TAMALIN: variants seen among roughly 807,000 people sequenced by gnomAD.
TAMALIN encodes the protein protein TAMALIN.
Under a neutral mutation model 38.5 loss-of-function variants are expected in TAMALIN, and 9 were observed. The observed-to-expected ratio is 0.23, with a 90% confidence interval of 0.14 to 0.41. The LOEUF is 0.41. TAMALIN is among the 10% of genes least tolerant of loss of function. TAMALIN has a pLI of 1.00. For missense variants in TAMALIN, 548 were observed against 554.1 expected (o/e 0.99, Z 0.11); for synonymous variants, 306 against 256.5 (o/e 1.19, Z -1.85).
Position 52,007,064 on chromosome 12 carries a change from G to T in TAMALIN, c.45G>T (p.Ala15=). The T allele has an allele frequency of 6.9e-7, 1 of 1,459,128 alleles. No homozygotes were observed. 90.4% of individuals were successfully genotyped at this position (1,459,128 alleles called of 1,614,324 possible). The part of the protein sequence containing the change: ...RLRKLQQKEE[A]AATPDPAART... ...GGAAGCTGCAGCAGAAGGAGGAGGC[G>T]GCGGCCACCCCGGACCCCGCCGCCC... The change falls in exon 1 of 8, where the codon GCG becomes GCT. Residue 15 remains alanine (A), a synonymous_variant. Transcript: ENST00000293662. The surrounding 1 kb of genome is among the most constrained non-coding windows in gnomAD (Gnocchi z 6.7).
Position 52,014,828 on chromosome 12 carries a change from GC to G in TAMALIN, c.820del (p.Arg274AspfsTer55). ...CGTGCCCGGGCGTCCCCGCGGAGGC[GC>G]CCGACGGGCCAGGGGCGACGCCGAC... ...LAVPGRPRGG[A>X]RRARGDADDA... On this transcript the variant is annotated frameshift_variant, in exon 8 of 8. Transcript: ENST00000293662. LOFTEE classifies it high-confidence loss of function. 7.6e-7 allele frequency: 1 copy of G among 1,310,772 alleles called. No homozygotes were observed. Among genetic ancestry groups the G allele is most frequent in the Non-Finnish European group, 9.7e-7 (1 of 1,031,230 alleles). 81.2% of individuals were successfully genotyped at this position (1,310,772 alleles called of 1,614,324 possible).
rs1381142067 is a variant in TAMALIN at position 52,007,370 on chromosome 12, A to C, written c.246+105A>C. ...CTCCTCGGCGTCCGCGGAGTCCCCCACCTTCTTCCCCGGCCCGCTGGGTGC... is the reference window on the plus strand; with the variant it reads ...CTCCTCGGCGTCCGCGGAGTCCCCCCCCTTCTTCCCCGGCCCGCTGGGTGC... On this transcript the variant is annotated intron_variant, in intron 1 of 7. Transcript: ENST00000293662. The surrounding 1 kb of genome is among the most constrained non-coding windows in gnomAD (Gnocchi z 6.7). 1 of 1,270,894 alleles carries C rather than the reference A, an allele frequency of 7.9e-7. No individual in the cohort carries two copies. Among genetic ancestry groups the C allele is most frequent in the East Asian group, 3.1e-5 (1 of 31,856 alleles). 78.7% of individuals were successfully genotyped at this position (1,270,894 alleles called of 1,614,324 possible).
In TAMALIN at chr12:52,007,983, ACAC is replaced by A. The variant is rs570020549; in HGVS notation, c.246+721_246+723del. ...AGACCTGAGGCTCAGAACCTACACA[ACAC>A]CAGGTTAAGAAGAGGGGCCTGGTGG... On this transcript the variant is annotated intron_variant, in intron 1 of 7. Transcript: ENST00000293662. This position sits in a 1 kb window ranked among gnomAD's most constrained non-coding sequence, Gnocchi z 6.7. The A allele has an allele frequency of 3.6e-5, 35 of 985,330 alleles. No homozygotes were observed. Among genetic ancestry groups the A allele is most frequent in the South Asian group, 4.7e-5 (1 of 21,284 alleles). The allele number at this position is 985,330 out of a possible 1,614,324, so 61.0% of individuals were successfully genotyped here.
At chr12:52,012,698 C>T (rs1937679558) in intron 4 of TAMALIN, among the ~76,000 whole-genome samples, 1 of 152,170 alleles carries the variant, frequency 6.6e-6, no homozygotes, top group Non-Finnish European at 1.5e-5. Context: ...GTTTCAAATC[C>T]ACTCTCCCTC....
rs1334116555 is a variant in TAMALIN at position 52,014,760 on chromosome 12, C to A, written c.749C>A (p.Ala250Glu). 6.7e-7 allele frequency: 1 copy of A among 1,499,198 alleles called. No individual in the cohort carries two copies. Among genetic ancestry groups the A allele is most frequent in the East Asian group, 2.7e-5 (1 of 37,388 alleles). The allele number at this position is 1,499,198 out of a possible 1,614,324, so 92.9% of individuals were successfully genotyped here. A position where few individuals can be genotyped will look rare whatever the true frequency, so the allele number is the denominator to read the frequency against. The change falls in exon 8 of 8, where the codon GCG becomes GAG. Residue 250 changes from alanine (A) to glutamate (E), a missense_variant. Physicochemically the swap from Ala to Glu is moderately radical, Grantham distance 107. Around this residue, in one of 3 missense-constraint regions of TAMALIN, gnomAD observed 415 missense variants for 417.0 expected, o/e 1.00. Transcript: ENST00000293662. ...LESVRSCLYG[A>E]GLLPGSLPFG... ...TCGGTGCGCTCCTGCCTCTACGGCG[C>A]GGGCCTGCTCCCGGGCTCGCTGCCC...
chr12:52,009,301 T>C, intron 2 of TAMALIN, 62 bp downstream of exon 2: 1 of 1,502,094 alleles, frequency 6.7e-7, no homozygotes, highest in Admixed American at 1.7e-5. Context: ...GGTTGGGGGG[T>C]GCCAGGACAG....
chr12:52,010,922 G>A lies in TAMALIN; in HGVS notation c.338G>A (p.Gly113Asp). The change falls in exon 3 of 8, where the codon GGC becomes GAC. Residue 113 changes from glycine to aspartate, a missense_variant. Coordinates refer to ENST00000293662, the MANE Select transcript of TAMALIN (RefSeq NM_181711.4). ...TLEKEDNQTF[G>D]FEIQTYGLHH... is the part of the protein sequence containing the mutation. ...GAGAAGGAGGATAACCAGACCTTCG[G>A]CTTTGAGATCCAGGTGGGAGAAGCT... 1 of 1,614,192 alleles carries A rather than the reference G, an allele frequency of 6.2e-7. No homozygotes were observed. The highest frequency in any genetic ancestry group is 8.5e-7 in the Non-Finnish European group (1 of 1,180,034).
intron 4 of TAMALIN, chr12:52,013,464 TA>T: frequency 1.8e-6 from 1 of 544,292 alleles, no homozygotes; most frequent in Non-Finnish European, 3.3e-6. Context: ...GACAACCTGG[TA>T]GTCACTACAG....
Position 52,015,009 on chromosome 12 carries a change from G to A in TAMALIN, c.998G>A (p.Ser333Asn). The change falls in exon 8 of 8, where the codon AGT (serine) becomes AAT (asparagine). Residue 333 changes from serine (S) to asparagine (N), a missense_variant. Ser to Asn is a conservative substitution (Grantham distance 46). Around this residue, in one of 3 missense-constraint regions of TAMALIN, gnomAD observed 415 missense variants for 417.0 expected, o/e 1.00. Transcript: ENST00000293662. The part of the protein sequence containing the change: ...GPRAALSRSA[S>N]VRCAGPGGGG... Reference sequence around the variant, plus strand: ...CGGGCCGCGCTGAGCCGCAGCGCCAGTGTGCGGTGCGCGGGCCCTGGCGGG... The same window carrying A: ...CGGGCCGCGCTGAGCCGCAGCGCCAATGTGCGGTGCGCGGGCCCTGGCGGG... The A allele has an allele frequency of 9.1e-7, 1 of 1,094,058 alleles. No individual in the cohort carries two copies. Among genetic ancestry groups the A allele is most frequent in the Non-Finnish European group, 1.1e-6 (1 of 895,510 alleles). The allele number at this position is 1,094,058 out of a possible 1,614,324, so 67.8% of individuals were successfully genotyped here. A position where few individuals can be genotyped will look rare whatever the true frequency, so the allele number is the denominator to read the frequency against.
intron 2 of TAMALIN, among the ~76,000 whole-genome samples, chr12:52,010,034 G>C (rs1339253357): frequency 6.6e-6 from 1 of 152,138 alleles, no homozygotes; most frequent in Non-Finnish European, 1.5e-5. Flanking sequence ...TGGGGTAGAC[G>C]CGGAACTCCC....
rs1210698784 is a variant in TAMALIN, at chr12:52,015,223, T to A, written c.*24T>A. On this transcript the variant is annotated 3_prime_UTR_variant, in exon 8 of 8. Coordinates refer to ENST00000293662, the MANE Select transcript of TAMALIN (RefSeq NM_181711.4). Reference sequence around the variant, plus strand: ...AGGGGCGGGGGCGGGCAGGGAGGTATTTATTTATTTATTCGCAACAGCCAG... The same window carrying A: ...AGGGGCGGGGGCGGGCAGGGAGGTAATTATTTATTTATTCGCAACAGCCAG... The A allele has an allele frequency of 6.5e-7, 1 of 1,543,832 alleles. No homozygotes were observed. The highest frequency in any genetic ancestry group is 2.4e-5 in the East Asian group (1 of 41,392).
chr12:52,014,690 G>T lies in TAMALIN; in HGVS notation c.683-4G>T. 1 of 1,488,400 alleles carries T rather than the reference G, an allele frequency of 6.7e-7. No homozygotes were observed. The highest frequency in any genetic ancestry group is 8.8e-7 in the Non-Finnish European group (1 of 1,133,090). 92.2% of individuals were successfully genotyped at this position (1,488,400 alleles called of 1,614,324 possible). A position where few individuals can be genotyped will look rare whatever the true frequency, so the allele number is the denominator to read the frequency against. On this transcript the variant is annotated splice_region_variant and splice_polypyrimidine_tract_variant and intron_variant, in intron 7 of 7. Coordinates refer to ENST00000293662, the MANE Select transcript of TAMALIN (RefSeq NM_181711.4). ...CGCCCCCTACCTCTCCCGTCTCTGC[G>T]CAGGCCTGGTGGTGAAGGACCCCAG... is the stretch of plus-strand genomic sequence containing the variant.
At position 52,011,586 on chromosome 12, in the gene TAMALIN, C is replaced by A. The variant is rs111295271; in HGVS notation, c.454+445C>A. Among the ~76,000 whole-genome samples the A allele has an allele frequency of 0.012, 1,547 of 126,630 alleles. 31 individuals are homozygous for A. Among genetic ancestry groups the A allele is most frequent in the African/African-American group, 0.045 (1,475 of 32,738 alleles). 83.1% of individuals were successfully genotyped at this position (126,630 alleles called of 152,430 possible). On this transcript the variant is annotated intron_variant, in intron 4 of 7. Transcript: ENST00000293662. This position sits in a 1 kb window ranked among gnomAD's most constrained non-coding sequence, Gnocchi z 5.3. ...CAGTGCTGAGGAACCGATGTTACTC[C>A]CTTTTAAAAAATTAGAAACTTTTTT...
In TAMALIN at chr12:52,011,448, G is replaced by C; in HGVS notation, c.454+307G>C. The C allele has an allele frequency of 1.7e-6, 1 of 581,416 alleles. No individual in the cohort carries two copies. Among genetic ancestry groups the C allele is most frequent in the Non-Finnish European group, 3.1e-6 (1 of 325,364 alleles). The allele number at this position is 581,416 out of a possible 1,614,324, so 36.0% of individuals were successfully genotyped here. A position where few individuals can be genotyped will look rare whatever the true frequency, so the allele number is the denominator to read the frequency against. On this transcript the variant is annotated intron_variant, in intron 4 of 7. Coordinates refer to ENST00000293662, the MANE Select transcript of TAMALIN (RefSeq NM_181711.4). This position sits in a 1 kb window ranked among gnomAD's most constrained non-coding sequence, Gnocchi z 5.3. ...TGGTGGATGATGCTGCTGCTGCTCT[G>C]ATTCCTCCCAGCAACCCTGGCAGTC...
At position 52,013,746 on chromosome 12, in the gene TAMALIN, G is replaced by A; in HGVS notation, c.514G>A (p.Val172Met). 6.2e-7 allele frequency: 1 copy of A among 1,614,218 alleles called. No individual in the cohort carries two copies. The highest frequency in any genetic ancestry group is 1.1e-5 in the South Asian group (1 of 91,086). The part of the protein sequence containing the change: ...NVEGIRHREI[V>M]DIIKASGNVL... ...GGAAGGCATCCGGCATCGAGAGATTGTGGACATCATTAAGGCGTCAGGCAA... is the reference window on the plus strand; with the variant it reads ...GGAAGGCATCCGGCATCGAGAGATTATGGACATCATTAAGGCGTCAGGCAA... The change falls in exon 5 of 8, where the codon GTG (valine) becomes ATG (methionine). Residue 172 changes from valine (V) to methionine (M), a missense_variant. Around this residue, in one of 3 missense-constraint regions of TAMALIN, gnomAD observed 415 missense variants for 417.0 expected, o/e 1.00. Coordinates refer to ENST00000293662, the MANE Select transcript of TAMALIN (RefSeq NM_181711.4).
Position 52,015,029 on chromosome 12 carries a change from G to T in TAMALIN, c.1018G>T (p.Gly340Cys). 1 of 1,302,266 alleles carries T rather than the reference G, an allele frequency of 7.7e-7. No individual in the cohort carries two copies. Among genetic ancestry groups the T allele is most frequent in the Non-Finnish European group, 9.7e-7 (1 of 1,026,966 alleles). The allele number at this position is 1,302,266 out of a possible 1,614,324, so 80.7% of individuals were successfully genotyped here. A position where few individuals can be genotyped will look rare whatever the true frequency, so the allele number is the denominator to read the frequency against. ...RSASVRCAGP[G>C]GGGGGGAPGA... is the part of the protein sequence containing the mutation. The stretch of plus-strand genomic sequence containing the variant: ...CGCCAGTGTGCGGTGCGCGGGCCCT[G>T]GCGGGGGCGGAGGCGGGGGCGCGCC... The change falls in exon 8 of 8, where the codon GGC becomes TGC. Residue 340 changes from glycine to cysteine, a missense_variant. Transcript: ENST00000293662.
At position 52,011,396 on chromosome 12, in the gene TAMALIN, C is replaced by T; in HGVS notation, c.454+255C>T. On this transcript the variant is annotated intron_variant, in intron 4 of 7. Transcript: ENST00000293662. The surrounding 1 kb of genome is among the most constrained non-coding windows in gnomAD (Gnocchi z 5.3). ...CATCACAGTGCGGCAAGGGGATTCC[C>T]TGGGCACACTGCCAGGGCCTAATTA... The T allele has an allele frequency of 1.6e-6, 1 of 614,448 alleles. No individual in the cohort carries two copies. The highest frequency in any genetic ancestry group is 1.9e-5 in the South Asian group (1 of 51,572). 38.1% of individuals were successfully genotyped at this position (614,448 alleles called of 1,614,324 possible).
At chr12:52,012,022 T>C (rs982826893) in intron 4 of TAMALIN, among the ~76,000 whole-genome samples, 1 of 152,076 alleles carries the variant, frequency 6.6e-6, no homozygotes, top group Non-Finnish European at 1.5e-5. Context: ...AGTTCAAGAC[T>C]GGGTGGCCGC....
intron 4 of TAMALIN, among the ~76,000 whole-genome samples, chr12:52,013,075 C>A (rs915515675): frequency 8.8e-5 from 11 of 124,448 alleles, no homozygotes; most frequent in African/African-American, 2.8e-4. Flanking sequence ...GACAGAACTT[C>A]TTTTTTTTTT....
Sources: gnomAD v4.1 joint callset for allele counts (sites outside exome capture counted in the v4.1 genomes callset) on GRCh38, gnomAD v4.1.1 for gene constraint, gnomAD v4.1.1 regional missense constraint, Gnocchi (gnomAD v3.1) non-coding constraint, MANE v1.5 for transcripts, NCBI Gene and HGNC (gene_info 2026-07-23, HGNC 2026-07-21) for gene names.